The following WWOX variants were observed in gnomAD, a reference collection of about 807,000 sequenced individuals.
WWOX encodes WW domain-containing oxidoreductase.
A neutral mutation model predicts 46.2 loss-of-function variants in WWOX; 69 were observed. That is an observed-to-expected ratio of 1.49 (90% confidence interval 1.23 to 1.82). The LOEUF is 1.82. Ranked by LOEUF, WWOX falls within the 40% of genes most tolerant of loss-of-function variation. WWOX has a pLI of 0.00. For synonymous variants in WWOX, 359 were observed against 202.6 expected, an observed-to-expected ratio of 1.77 and a Z score of -6.56; for missense variants, 919 against 542.6, an observed-to-expected ratio of 1.69 and a Z score of -6.89.
intron 8 of WWOX, chr16:78,996,342 T>G (rs2046986933): frequency 2.0e-6 from 2 of 977,838 alleles, no homozygotes; most frequent in African/African-American, 1.8e-5. Flanking sequence ...ATAGAAAGGA[T>G]GAAATAGAAA....
chr16:78,192,941 CAA>C (rs1456962698), intron 5 of WWOX, among the ~76,000 whole-genome samples: 2 of 152,206 alleles, frequency 1.3e-5, no homozygotes, highest in Non-Finnish European at 2.9e-5. Context: ...CCCAGACTCT[CAA>C]GGCTTGCAAA....
chr16:78,672,948 A>T (rs577276650), intron 8 of WWOX, among the ~76,000 whole-genome samples: 7 of 152,218 alleles, frequency 4.6e-5, no homozygotes, highest in South Asian at 2.1e-4. Flanking sequence ...ACCTTGTGCA[A>T]TCCATAAGAG....
chr16:78,919,179 A>T (rs544110907), intron 8 of WWOX, among the ~76,000 whole-genome samples: 1 of 152,116 alleles, frequency 6.6e-6, no homozygotes, highest in African/African-American at 2.4e-5. Flanking sequence ...TATTACATGC[A>T]TGGGCTCTGT....
chr16:78,965,079 T>A (rs1422865589), intron 8 of WWOX, among the ~76,000 whole-genome samples: 2 of 152,136 alleles, frequency 1.3e-5, no homozygotes, highest in Non-Finnish European at 2.9e-5. Context: ...GAACCTCTGC[T>A]AGGGCAGTGC....
At chr16:78,557,371 G>A (rs2044324015) in intron 8 of WWOX, among the ~76,000 whole-genome samples, 1 of 152,262 alleles carries the variant, frequency 6.6e-6, no homozygotes, top group South Asian at 2.1e-4. Flanking sequence ...CGGGCTCTTG[G>A]GAATATCTCT....
chr16:78,278,617 C>A, intron 5 of WWOX: 22 of 1,610,738 alleles, frequency 1.4e-5, no homozygotes, highest in Non-Finnish European at 1.9e-5. Context: ...CAAAATACCA[C>A]CCTCCGCCAG....
At chr16:78,248,860 C>T (rs1022241589) in intron 5 of WWOX, among the ~76,000 whole-genome samples, 9 of 149,328 alleles carry the variant, frequency 6.0e-5, no homozygotes, top group East Asian at 6.0e-4. Flanking sequence ...TTATGCCCCC[C>T]GGCCTTTTTT....
At chr16:78,907,891 G>A (rs1280149554) in intron 8 of WWOX, among the ~76,000 whole-genome samples, 4 of 152,136 alleles carry the variant, frequency 2.6e-5, no homozygotes, top group Admixed American at 6.5e-5. Flanking sequence ...GTCAAGGGTC[G>A]ATGAATTCAC....
chr16:78,984,749 C>G (rs2046751320), intron 8 of WWOX, among the ~76,000 whole-genome samples: 1 of 152,218 alleles, frequency 6.6e-6, no homozygotes, highest in African/African-American at 2.4e-5. Context: ...GTCAGACTTT[C>G]TTCGTCCTCT....
chr16:78,964,190 A>T (rs2046324053), intron 8 of WWOX, among the ~76,000 whole-genome samples: 2 of 152,164 alleles, frequency 1.3e-5, no homozygotes, highest in South Asian at 4.1e-4. Context: ...TGACTTTGGA[A>T]CTGGGTAACA....
intron 8 of WWOX, among the ~76,000 whole-genome samples, chr16:78,901,222 A>G (rs976946219): frequency 1.3e-5 from 2 of 152,244 alleles, no homozygotes; most frequent in Non-Finnish European, 2.9e-5. Context: ...ATGAAGACAT[A>G]GACTTTGAAA....
At chr16:78,980,331 CTTTAT>C (rs2046656524) in intron 8 of WWOX, among the ~76,000 whole-genome samples, 1 of 152,118 alleles carries the variant, frequency 6.6e-6, no homozygotes, top group Non-Finnish European at 1.5e-5. Flanking sequence ...ATTTCCATGT[CTTTAT>C]TTTGAGTAAA....
At chr16:79,121,429 A>G (rs1218806348) in intron 8 of WWOX, among the ~76,000 whole-genome samples, 1 of 152,224 alleles carries the variant, frequency 6.6e-6, no homozygotes, top group East Asian at 1.9e-4. Context: ...ACTTATGGCC[A>G]GTAGATGGAA....
At chr16:78,148,214 A>G (rs2034275326) in intron 4 of WWOX, among the ~76,000 whole-genome samples, 1 of 152,220 alleles carries the variant, frequency 6.6e-6, no homozygotes, top group South Asian at 2.1e-4. Flanking sequence ...TTCTACTTCT[A>G]AACAACCAGA....
intron 8 of WWOX, among the ~76,000 whole-genome samples, chr16:78,752,374 G>A (rs536076518): frequency 2.0e-5 from 3 of 152,162 alleles, no homozygotes; most frequent in Non-Finnish European, 2.9e-5. Context: ...TGCAACCTCT[G>A]CCTCCTGGGT....
At chr16:78,929,209 C>G (rs186765161) in intron 8 of WWOX, among the ~76,000 whole-genome samples, 8 of 152,024 alleles carry the variant, frequency 5.3e-5, no homozygotes, top group South Asian at 2.1e-4. Flanking sequence ...GAATTATTTT[C>G]ATAAACTCTT....
chr16:78,344,177 G>C (rs1199272272), intron 5 of WWOX, among the ~76,000 whole-genome samples: 1 of 118,520 alleles, frequency 8.4e-6, no homozygotes, highest in East Asian at 1.9e-4. Context: ...GCAGGTGCAG[G>C]GGAGAATGGC....
At chr16:78,569,452 C>T (rs769909201) in intron 8 of WWOX, among the ~76,000 whole-genome samples, 5 of 152,136 alleles carry the variant, frequency 3.3e-5, no homozygotes, top group Admixed American at 2.6e-4. Context: ...ATTTAAGGAG[C>T]AGTTGGAGAA....
intron 6 of WWOX, among the ~76,000 whole-genome samples, chr16:78,420,588 A>C (rs945795550): frequency 2.0e-5 from 3 of 151,986 alleles, no homozygotes; most frequent in Non-Finnish European, 2.9e-5. Context: ...TAGGACAGAA[A>C]GTACACTGAT....
Sources: gnomAD v4.1 joint callset for allele counts (sites outside exome capture counted in the v4.1 genomes callset) on GRCh38, gnomAD v4.1.1 for gene constraint, MANE v1.5 for transcripts, NCBI Gene and HGNC (gene_info 2026-07-23, HGNC 2026-07-21) for gene names.